The following INTS10 variants were observed in gnomAD, a reference collection of about 807,000 sequenced individuals.
INTS10 encodes integrator complex subunit 10, also known as chromosome 8 open reading frame 35.
INTS10 carries 44 observed loss-of-function variants against 94.4 expected under a neutral mutation model. The ratio of observed to expected loss-of-function variants is 0.47; its 90% CI spans 0.37 to 0.60. INTS10 has a LOEUF of 0.60. Among genes scored for constraint, INTS10 ranks in the 20% least tolerant of loss-of-function variants. INTS10 has a pLI of 0.00. For missense variants in INTS10, 797 were observed against 868.7 expected, an observed-to-expected ratio of 0.92 and a Z score of 1.04; for synonymous variants, 341 against 320.7, an observed-to-expected ratio of 1.06 and a Z score of -0.68.
chr8:19,824,191 A>G, intron 7 of INTS10, 147 bp downstream of exon 7: 1 of 603,836 alleles, frequency 1.7e-6, no homozygotes. Context: ...ATGGTTTTTC[A>G]TTTTATCAAA....
At chr8:19,841,133 A>G (rs999585454) in intron 13 of INTS10, among the ~76,000 whole-genome samples, 2 of 152,172 alleles carry the variant, frequency 1.3e-5, no homozygotes, top group African/African-American at 2.4e-5. Flanking sequence ...GGAAGAATGA[A>G]TTTATTCAAT....
rs181698843 is a variant in INTS10, at chr8:19,848,937, C to A, written c.1977-2712C>A. On this transcript the variant is annotated intron_variant, in intron 16 of 16. Coordinates refer to ENST00000397977, the MANE Select transcript of INTS10 (RefSeq NM_018142.4). Reference sequence around the variant, plus strand: ...GGGGGCTGAGCTCTGGGACCAGGAACTGAGACGCCTCTGGACACGCACCAG... The same window carrying A: ...GGGGGCTGAGCTCTGGGACCAGGAAATGAGACGCCTCTGGACACGCACCAG... The A allele has an allele frequency of 1.8e-3, 397 of 219,804 alleles. 2 individuals carry two copies. Among genetic ancestry groups the A allele is most frequent in the African/African-American group, 8.5e-3 (368 of 43,430 alleles). The allele number at this position is 219,804 out of a possible 1,614,324, so 13.6% of individuals were successfully genotyped here. A position where few individuals can be genotyped will look rare whatever the true frequency, so the allele number is the denominator to read the frequency against.
In INTS10 at chr8:19,849,110, C is replaced by A; in HGVS notation, c.1977-2539C>A. 1 of 854,244 alleles carries A rather than the reference C, an allele frequency of 1.2e-6. No individual in the cohort carries two copies. The highest frequency in any genetic ancestry group is 1.7e-6 in the Non-Finnish European group (1 of 591,946). The allele number at this position is 854,244 out of a possible 1,614,324, so 52.9% of individuals were successfully genotyped here. On this transcript the variant is annotated intron_variant, in intron 16 of 16. Coordinates refer to ENST00000397977, the MANE Select transcript of INTS10 (RefSeq NM_018142.4). This position sits in a 1 kb window ranked among gnomAD's most constrained non-coding sequence, Gnocchi z 4.6. The stretch of plus-strand genomic sequence containing the variant: ...TCTCTGGAGTGTTGTTTTTGCAGTG[C>A]AGGGTGAGTCGGTGTGGGTGTTTGA...
At chr8:19,847,551 A>T (rs1433730629) in intron 16 of INTS10, among the ~76,000 whole-genome samples, 3 of 152,232 alleles carry the variant, frequency 2.0e-5, no homozygotes, top group African/African-American at 7.2e-5. Flanking sequence ...GTTAATATAG[A>T]GACAGCCATA....
At chr8:19,841,843 C>G (rs1021678491) in intron 13 of INTS10, 3 of 455,702 alleles carry the variant, frequency 6.6e-6, no homozygotes, top group Non-Finnish European at 1.3e-5. Flanking sequence ...GAGTTTCAAC[C>G]AGAAATTTTC....
At chr8:19,841,421 A>C (rs949689701) in intron 13 of INTS10, among the ~76,000 whole-genome samples, 1 of 152,176 alleles carries the variant, frequency 6.6e-6, no homozygotes, top group Non-Finnish European at 1.5e-5. Flanking sequence ...AAATCAACAA[A>C]AACTTAGTAT....
chr8:19,821,041 C>A (rs2066332062), intron 4 of INTS10: 1 of 152,368 alleles, frequency 6.6e-6, no homozygotes, highest in Admixed American at 6.5e-5. Flanking sequence ...GTTTTAGTAA[C>A]TTCCCATAGC....
At chr8:19,822,663 G>T (rs1168615393) in intron 5 of INTS10, 143 bp downstream of exon 5, 3 of 542,252 alleles carry the variant, frequency 5.5e-6, no homozygotes, top group Non-Finnish European at 9.6e-6. Flanking sequence ...TAATTTAGAA[G>T]CATTTTAGCT....
intron 1 of INTS10, among the ~76,000 whole-genome samples, 195 bp downstream of exon 1, chr8:19,817,861 C>T (rs561423646): frequency 3.3e-5 from 5 of 150,548 alleles, no homozygotes; most frequent in South Asian, 2.1e-4. Flanking sequence ...CCGCCTTGCT[C>T]CTACACCTTC....
At chr8:19,844,276 T>A in intron 15 of INTS10, 38 bp downstream of exon 15, 1 of 1,405,304 alleles carries the variant, frequency 7.1e-7, no homozygotes, top group Non-Finnish European at 1.0e-6. Flanking sequence ...CACATTCTGA[T>A]TTTCTTTAGA....
chr8:19,846,961 T>C lies in INTS10; in HGVS notation c.1976+1164T>C, dbSNP rs1213377031. Among the ~76,000 whole-genome samples the C allele has an allele frequency of 6.6e-6, 1 of 152,244 alleles. No individual in the cohort carries two copies. Among genetic ancestry groups the C allele is most frequent in the Non-Finnish European group, 1.5e-5 (1 of 68,040 alleles). ...CTAAAACTAAAAACATTTTTCTTTT[T>C]CCCTCAGTTGTGGAATAAACTAGTT... is the stretch of plus-strand genomic sequence containing the variant. On this transcript the variant is annotated intron_variant, in intron 16 of 16. Coordinates refer to ENST00000397977, the MANE Select transcript of INTS10 (RefSeq NM_018142.4). This position sits in a 1 kb window ranked among gnomAD's most constrained non-coding sequence, Gnocchi z 4.2.
intron 15 of INTS10, chr8:19,845,460 G>A: frequency 2.0e-6 from 1 of 501,378 alleles, no homozygotes; most frequent in Non-Finnish European, 3.6e-6. Context: ...AGGGAGTTTA[G>A]TGGGTATAAG....
Position 19,824,827 on chromosome 8 carries a change from A to C in INTS10, c.861A>C (p.Arg287Ser). 1 of 1,611,152 alleles carries C rather than the reference A, an allele frequency of 6.2e-7. No homozygotes were observed. Among genetic ancestry groups the C allele is most frequent in the Non-Finnish European group, 8.5e-7 (1 of 1,178,420 alleles). ...GRRSYGDILH[R>S]MKDLCRYMNN... The stretch of plus-strand genomic sequence containing the variant: ...GAAGCTATGGAGATATTTTGCATAG[A>C]ATGAAGGATCTCTGCAGATACATGA... The change falls in exon 8 of 17, where the codon AGA (arginine) becomes AGC (serine). Residue 287 changes from arginine to serine, a missense_variant. Physicochemically the swap from Arg to Ser is moderately radical, Grantham distance 110. Transcript: ENST00000397977.
chr8:19,823,519 G>A (rs545369028), intron 6 of INTS10, 78 bp downstream of exon 6: 26 of 986,402 alleles, frequency 2.6e-5, no homozygotes, highest in African/African-American at 4.9e-5. Flanking sequence ...TCAATGTTCT[G>A]ATTATTCTCC....
Position 19,826,455 on chromosome 8 carries a change from G to T in INTS10, c.1036G>T (p.Val346Phe). 1 of 1,612,674 alleles carries T rather than the reference G, an allele frequency of 6.2e-7. No homozygotes were observed. The highest frequency in any genetic ancestry group is 8.5e-7 in the Non-Finnish European group (1 of 1,179,564). The change falls in exon 9 of 17, where the codon GTT (valine) becomes TTT (phenylalanine). Residue 346 changes from valine to phenylalanine, a missense_variant. Val to Phe is a conservative substitution (Grantham distance 50, BLOSUM62 -1). This residue lies in a region of INTS10 where 734 missense variants were observed against 787.8 expected (regional missense o/e 0.93). Coordinates refer to ENST00000397977, the MANE Select transcript of INTS10 (RefSeq NM_018142.4). ...TAATGCCCCGAGCCAAGTTCCACTG[G>T]TTCTTCTTGAAGATGTATCGAATGT... The part of the protein sequence containing the change: ...GPNAPSQVPL[V>F]LLEDVSNVYG...
At chr8:19,819,493 T>C in intron 2 of INTS10, 80 bp from the exon 3 acceptor site, 1 of 1,095,396 alleles carries the variant, frequency 9.1e-7, no homozygotes, top group Non-Finnish European at 1.3e-6. Flanking sequence ...GGAAACTTTT[T>C]CACCAAATGC....
intron 5 of INTS10, 114 bp from the exon 6 acceptor site, chr8:19,823,187 T>TC: frequency 1.3e-6 from 1 of 760,706 alleles, no homozygotes; most frequent in South Asian, 1.7e-5. Context: ...AAGGGATTTT[T>TC]CCCCCTATAT....
intron 7 of INTS10, 144 bp from the exon 8 acceptor site, chr8:19,824,659 C>T: frequency 1.8e-6 from 1 of 551,890 alleles, no homozygotes. Context: ...GAAAAGTTAC[C>T]ATTTATATTG....
chr8:19,817,692 C>A (rs1370905671), intron 1 of INTS10, 26 bp downstream of exon 1: 3 of 1,593,644 alleles, frequency 1.9e-6, no homozygotes, highest in African/African-American at 1.3e-5. Flanking sequence ...TGCATGCGGC[C>A]GCTCTGCGTG....
Sources: gnomAD v4.1 joint callset for allele counts (sites outside exome capture counted in the v4.1 genomes callset) on GRCh38, gnomAD v4.1.1 for gene constraint, gnomAD v4.1.1 regional missense constraint, Gnocchi (gnomAD v3.1) non-coding constraint, MANE v1.5 for transcripts, NCBI Gene and HGNC (gene_info 2026-07-23, HGNC 2026-07-21) for gene names.